The following PCNX2 variants were observed in gnomAD, a reference collection of about 807,000 sequenced individuals.
PCNX2 encodes pecanex 2.
PCNX2 carries 168 observed loss-of-function variants against 223.8 expected under a neutral mutation model. The observed-to-expected ratio is 0.75, with a 90% CI of 0.66 to 0.85. The LOEUF (loss-of-function observed/expected upper bound fraction) is 0.85, where lower values mean the gene tolerates loss of function less well. PCNX2 is among the 40% of genes least tolerant of loss of function. The pLI, the probability that PCNX2 is intolerant of heterozygous loss-of-function variation, is 0.00. For missense variants in PCNX2, 2,507 were observed against 2,675.5 expected (o/e 0.94, Z 1.39); for synonymous variants, 1,006 against 1,052.6 (o/e 0.96, Z 0.86).
intron 17 of PCNX2, among the ~76,000 whole-genome samples, chr1:233,174,603 T>A (rs568970910): frequency 6.6e-6 from 1 of 152,014 alleles, no homozygotes. Flanking sequence ...ACCAATGATT[T>A]AGGAAAAGAC....
chr1:233,199,063 A>G, intron 14 of PCNX2, 33 bp from the exon 15 acceptor site: 1 of 1,493,946 alleles, frequency 6.7e-7, no homozygotes, highest in Non-Finnish European at 8.9e-7. Context: ...TCTTTTCTAG[A>G]CCCGCCATTC....
chr1:233,208,380 G>A (rs1035668434), intron 13 of PCNX2, 138 bp downstream of exon 13: 10 of 918,690 alleles, frequency 1.1e-5, no homozygotes, highest in South Asian at 6.3e-5. Flanking sequence ...GACAGTCTTC[G>A]GTAGATATGC....
rs1249639422 is a variant in PCNX2, at chr1:233,060,734, A to G, written c.4077-3444T>C. On this transcript the variant is annotated intron_variant, in intron 23 of 33. Coordinates refer to ENST00000258229, the MANE Select transcript of PCNX2 (RefSeq NM_014801.4). ...TCCCCAATCTCAGTGGGAACATGCAATCCTGGTACACATTAGGCATGCGTC... is the reference window on the plus strand; with the variant it reads ...TCCCCAATCTCAGTGGGAACATGCAGTCCTGGTACACATTAGGCATGCGTC... Among the ~76,000 whole-genome samples, 4 of 152,318 alleles carry G rather than the reference A, an allele frequency of 2.6e-5. No individual in the cohort carries two copies. In the South Asian group the frequency reaches 8.3e-4, roughly 32 times the overall value.
Position 233,295,122 on chromosome 1 carries a change from C to T in PCNX2, c.153+204G>A, listed in dbSNP as rs149429796. Among the ~76,000 whole-genome samples, 255 of 152,280 alleles carry T rather than the reference C, an allele frequency of 1.7e-3. 5 individuals carry two copies. The highest frequency in any genetic ancestry group is 6.0e-3 in the African/African-American group (250 of 41,554). ...AGTCCCCGAGCCCCCGCAGTCCTGT[C>T]TACTTCTTTTCTTTTCCAGTGAATC... is the stretch of plus-strand genomic sequence containing the variant. On this transcript the variant is annotated intron_variant, in intron 1 of 33. Transcript: ENST00000258229. This position sits in a 1 kb window ranked among gnomAD's most constrained non-coding sequence, Gnocchi z 4.1.
chr1:233,060,698 TTA>T (rs1672374311), intron 23 of PCNX2, among the ~76,000 whole-genome samples: 1 of 152,244 alleles, frequency 6.6e-6, no homozygotes, highest in South Asian at 2.1e-4. Flanking sequence ...GAAACAGGGC[TTA>T]TAGCTCACTC....
chr1:233,017,327 T>C, intron 26 of PCNX2, among the ~76,000 whole-genome samples, 173 bp from the exon 27 acceptor site: 1 of 145,340 alleles, frequency 6.9e-6, no homozygotes, highest in Non-Finnish European at 1.5e-5. Context: ...TTTTTTTTTT[T>C]TTTTTTTTGA....
intron 19 of PCNX2, among the ~76,000 whole-genome samples, chr1:233,156,837 G>A (rs1317736837): frequency 6.6e-6 from 1 of 152,156 alleles, no homozygotes; most frequent in Non-Finnish European, 1.5e-5. Context: ...AGAATCACTT[G>A]AACCCAGGAG....
chr1:233,235,456 C>CA (rs1232889637), intron 9 of PCNX2, among the ~76,000 whole-genome samples: 1 of 151,816 alleles, frequency 6.6e-6, no homozygotes, highest in Non-Finnish European at 1.5e-5. Context: ...TGGCAACTGG[C>CA]ACTTTTAAGT....
At chr1:233,208,470 ATAC>A in intron 13 of PCNX2, 45 bp downstream of exon 13, 1 of 1,549,774 alleles carries the variant, frequency 6.5e-7, no homozygotes, top group Non-Finnish European at 8.8e-7. Flanking sequence ...AAGGGGAGAC[ATAC>A]CCCCAACCCC....
At chr1:233,248,713 G>A (rs12062848) in intron 8 of PCNX2, among the ~76,000 whole-genome samples, 9,477 of 152,148 alleles carry the variant, frequency 0.062, 878 homozygotes, top group African/African-American at 0.2. Context: ...ATAGAAAGGG[G>A]TCTGACTATT....
intron 1 of PCNX2, among the ~76,000 whole-genome samples, chr1:233,284,586 T>A (rs933808820): frequency 1.3e-5 from 2 of 152,156 alleles, no homozygotes; most frequent in Non-Finnish European, 2.9e-5. Flanking sequence ...TATTCATGCC[T>A]GTTTATCTGT....
intron 23 of PCNX2, among the ~76,000 whole-genome samples, chr1:233,072,136 T>A (rs1298681490): frequency 6.6e-6 from 1 of 152,250 alleles, no homozygotes; most frequent in Non-Finnish European, 1.5e-5. Flanking sequence ...GTGCAGAAAC[T>A]CTTCAGTTTA....
intron 20 of PCNX2, among the ~76,000 whole-genome samples, chr1:233,137,046 C>T (rs1676845968): frequency 6.6e-6 from 1 of 152,200 alleles, no homozygotes; most frequent in Non-Finnish European, 1.5e-5. Flanking sequence ...GTAACAGCTA[C>T]CATTAATGAC....
At chr1:233,233,371 G>A (rs78494341) in intron 9 of PCNX2, among the ~76,000 whole-genome samples, 2,535 of 151,890 alleles carry the variant, frequency 0.017, 29 homozygotes, top group South Asian at 0.048. Flanking sequence ...TTCCCTTTGT[G>A]CTTGAGAGCT....
At chr1:233,305,677 T>A in the PCNX2 span, among the ~76,000 whole-genome samples, 1 of 152,108 alleles carries the variant, frequency 6.6e-6, no homozygotes, top group East Asian at 1.9e-4. Context: ...CTGGTTTCAA[T>A]CCCCTGGGCT....
chr1:233,274,277 T>C (rs1195863705), intron 1 of PCNX2, among the ~76,000 whole-genome samples: 1 of 152,334 alleles, frequency 6.6e-6, no homozygotes, highest in Non-Finnish European at 1.5e-5. Context: ...TTGGGCCAGA[T>C]AGTTTTTTGC....
chr1:233,112,846 T>C, intron 21 of PCNX2: 1 of 1,281,098 alleles, frequency 7.8e-7, no homozygotes. Flanking sequence ...GACTCTTACT[T>C]TGAAGGCTGA....
intron 17 of PCNX2, among the ~76,000 whole-genome samples, chr1:233,164,412 A>G (rs1678671134): frequency 6.6e-6 from 1 of 152,172 alleles, no homozygotes; most frequent in South Asian, 2.1e-4. Flanking sequence ...CGGAACTACC[A>G]TATGATCCAG....
chr1:233,255,438 C>T lies in PCNX2; in HGVS notation c.1834+2590G>A, dbSNP rs570922591. On this transcript the variant is annotated intron_variant, in intron 5 of 33. Coordinates refer to ENST00000258229, the MANE Select transcript of PCNX2 (RefSeq NM_014801.4). The stretch of plus-strand genomic sequence containing the variant: ...CCTTTAAGTCTCTGCTGAACCCAAG[C>T]GATGACCGCTGACTCCCTTGCTATA... 2.6e-5 allele frequency among the ~76,000 whole-genome samples: 4 copies of T among 152,326 alleles called. No homozygotes were observed. The South Asian group carries it at 6.2e-4, about 24-fold the overall frequency.
Sources: allele counts gnomAD v4.1 joint callset (sites outside exome capture counted in the v4.1 genomes callset), GRCh38; gene constraint gnomAD v4.1.1; non-coding constraint Gnocchi (gnomAD v3.1); transcripts MANE v1.5; gene names NCBI Gene and HGNC (gene_info 2026-07-23, HGNC 2026-07-21).